The following PDE1A variants were observed in gnomAD, a reference collection of about 807,000 sequenced individuals.
The protein encoded by PDE1A is dual specificity calcium/calmodulin-dependent 3',5'-cyclic nucleotide phosphodiesterase 1A.
PDE1A carries 35 observed loss-of-function variants against 61.7 expected under a neutral mutation model. That is an observed-to-expected ratio of 0.57 (90% confidence interval 0.43 to 0.75). The LOEUF (loss-of-function observed/expected upper bound fraction) is 0.75. Among genes scored for constraint, PDE1A ranks in the 30% least tolerant of loss-of-function variants. PDE1A has a pLI of 0.00. For missense variants in PDE1A, 597 were observed against 630.6 expected (o/e 0.95, Z 0.57); for synonymous variants, 232 against 213.2 (o/e 1.09, Z -0.77).
chr2:182,692,442 T>C, the PDE1A span, among the ~76,000 whole-genome samples: 2 of 151,878 alleles, frequency 1.3e-5, no homozygotes, highest in African/African-American at 4.8e-5. Flanking sequence ...CACCCCATGT[T>C]GTCACTCATA....
rs559456143 is a variant in PDE1A, at chr2:182,325,241, A to C, written c.54-60827T>G. ...TAGTAATTAATTTAAAGTTACATAG[A>C]TACTTTGTCAACCTATAACACTAAA... On this transcript the variant is annotated intron_variant, in intron 1 of 13. Coordinates refer to ENST00000351439, the Ensembl canonical transcript of PDE1A. 1.4e-3 allele frequency among the ~76,000 whole-genome samples: 216 copies of C among 152,318 alleles called. 1 individual carries two copies. Among genetic ancestry groups the C allele is most frequent in the African/African-American group, 4.9e-3 (203 of 41,588 alleles).
At chr2:182,355,942 AT>A (rs1486883208) in intron 1 of PDE1A, among the ~76,000 whole-genome samples, 1 of 152,172 alleles carries the variant, frequency 6.6e-6, no homozygotes, top group Non-Finnish European at 1.5e-5. Context: ...TTTGCTTATA[AT>A]TTTTGAGTTG....
At chr2:182,155,084 C>CTTT (rs11375672) in intron 13 of PDE1A, among the ~76,000 whole-genome samples, 41 of 111,488 alleles carry the variant, frequency 3.7e-4, no homozygotes, top group South Asian at 3.1e-3. Flanking sequence ...TTTAATTCTG[C>CTTT]TTTTTTTTTT....
At chr2:182,306,924 G>T (rs1465789498) in intron 1 of PDE1A, among the ~76,000 whole-genome samples, 2 of 152,104 alleles carry the variant, frequency 1.3e-5, no homozygotes, top group African/African-American at 2.4e-5. Flanking sequence ...AAAAGCTCAT[G>T]CAACAAAAGC....
intron 2 of PDE1A, among the ~76,000 whole-genome samples, chr2:182,462,019 A>AGG (rs1193420928): frequency 6.6e-6 from 1 of 152,126 alleles, no homozygotes; most frequent in African/African-American, 2.4e-5. Flanking sequence ...GATTAAACCA[A>AGG]GGGGGCTCAT....
chr2:182,605,519 G>T, the PDE1A span, among the ~76,000 whole-genome samples: 2 of 152,188 alleles, frequency 1.3e-5, no homozygotes, highest in South Asian at 4.1e-4. Flanking sequence ...GGACAATGTG[G>T]AGCACATCTC....
rs548626019 is a variant in PDE1A, at chr2:182,186,380, T to A, written c.1328+88A>T. ...CCTAATAATTCTTGTGAGAATTCTC[T>A]GCCTAGATGTGAGAAATATAATCAT... On this transcript the variant is annotated intron_variant, in intron 12 of 13. Coordinates refer to ENST00000351439, the Ensembl canonical transcript of PDE1A. 2.1e-6 allele frequency: 3 copies of A among 1,433,362 alleles called. No homozygotes were observed. The East Asian group carries it at 6.9e-5, about 33-fold the overall frequency. 88.8% of individuals were successfully genotyped at this position (1,433,362 alleles called of 1,614,324 possible).
At chr2:182,425,261 G>C (rs1002881619) in intron 1 of PDE1A, among the ~76,000 whole-genome samples, 2 of 152,130 alleles carry the variant, frequency 1.3e-5, no homozygotes, top group African/African-American at 4.8e-5. Flanking sequence ...GTTGAGTTTA[G>C]AATCATCTGG....
chr2:182,192,850 C>A (rs1020416303), intron 10 of PDE1A, among the ~76,000 whole-genome samples: 2 of 152,080 alleles, frequency 1.3e-5, no homozygotes, highest in Admixed American at 1.3e-4. Context: ...TTTTAAATGC[C>A]TTCCTACCAT....
chr2:182,694,471 C>T, the PDE1A span, among the ~76,000 whole-genome samples: 3 of 152,214 alleles, frequency 2.0e-5, no homozygotes, highest in South Asian at 2.1e-4. Flanking sequence ...GAAGCGGTAA[C>T]GAAGCCTACT....
At chr2:182,527,303 TAAAAAAAAAAAAA>T (rs869281717), upstream of PDE1A, among the ~76,000 whole-genome samples, 40 of 22,834 alleles carry the variant, frequency 1.8e-3, 2 homozygotes, top group Middle Eastern at 0.053. Flanking sequence ...CCTTTCTCTA[TAAAAAAAAAAAAA>T]AAAAAAAAAA....
intron 13 of PDE1A, among the ~76,000 whole-genome samples, chr2:182,154,517 A>T (rs1165998155): frequency 1.7e-4 from 26 of 152,266 alleles, no homozygotes. Flanking sequence ...AGGTGAAGAT[A>T]ATTGAATCAT....
At chr2:182,452,334 C>G (rs866490241) in intron 2 of PDE1A, among the ~76,000 whole-genome samples, 65 of 152,222 alleles carry the variant, frequency 4.3e-4, no homozygotes, top group African/African-American at 1.5e-3. Flanking sequence ...GCATATTTTA[C>G]ATGCACCTGA....
At chr2:182,489,255 T>C (rs1688227448) in intron 2 of PDE1A, among the ~76,000 whole-genome samples, 1 of 152,120 alleles carries the variant, frequency 6.6e-6, no homozygotes, top group Non-Finnish European at 1.5e-5. Flanking sequence ...AAAGCCAGTG[T>C]GGATGGAGCC....
At chr2:182,489,637 A>G (rs1377676657) in intron 2 of PDE1A, among the ~76,000 whole-genome samples, 1 of 152,232 alleles carries the variant, frequency 6.6e-6, no homozygotes, top group Admixed American at 6.5e-5. Flanking sequence ...TGTGAGTGAA[A>G]GTCTCTCAAG....
At chr2:182,643,558 C>T in the PDE1A span, among the ~76,000 whole-genome samples, 24 of 152,084 alleles carry the variant, frequency 1.6e-4, no homozygotes, top group Non-Finnish European at 2.9e-4. Flanking sequence ...TATTATTTTT[C>T]GAGTGAGGCA....
chr2:182,460,825 C>T lies in PDE1A; in HGVS notation c.101+61451G>A, dbSNP rs74425743. ...ATGTTATCATTTTATTAGGTTGGTG[C>T]AAAAGTAATTGTAGTTTTTGTTATT... On this transcript the variant is annotated intron_variant, in intron 2 of 14. Coordinates refer to the PDE1A transcript ENST00000410103. Among the ~76,000 whole-genome samples, 212 of 152,194 alleles carry T rather than the reference C, an allele frequency of 1.4e-3. 1 individual carries two copies. The East Asian group carries it at 0.022, about 16-fold the overall frequency.
At chr2:182,672,813 T>C in the PDE1A span, among the ~76,000 whole-genome samples, 1 of 152,248 alleles carries the variant, frequency 6.6e-6, no homozygotes, top group African/African-American at 2.4e-5. Flanking sequence ...TTACACCATA[T>C]GCCCCTTCAA....
intron 1 of PDE1A, among the ~76,000 whole-genome samples, chr2:182,385,064 C>A (rs137968577): frequency 1.0e-3 from 152 of 152,168 alleles, no homozygotes; most frequent in Non-Finnish European, 1.9e-3. Flanking sequence ...AATACTGTAC[C>A]CAACAAAGCT....
Sources: allele counts gnomAD v4.1 joint callset (sites outside exome capture counted in the v4.1 genomes callset), GRCh38; gene constraint gnomAD v4.1.1; transcripts MANE v1.5; gene names NCBI Gene and HGNC (gene_info 2026-07-23, HGNC 2026-07-21).